TMEM59: variants seen among roughly 807,000 people sequenced by gnomAD.
The protein encoded by TMEM59 is transmembrane protein 59.
A neutral mutation model predicts 42.2 loss-of-function variants in TMEM59; 44 were observed. That is an observed-to-expected ratio of 1.04 (90% CI 0.82 to 1.34). The LOEUF (loss-of-function observed/expected upper bound fraction) is 1.34. TMEM59 is among the 40% of genes most tolerant of loss of function. The pLI is 0.00. For synonymous variants in TMEM59, 148 were observed against 145.8 expected (o/e 1.02, Z -0.11); for missense variants, 359 against 382.8 (o/e 0.94, Z 0.52).
Position 54,031,108 on chromosome 1 carries a change from A to C in TMEM59, c.*1042T>G, listed in dbSNP as rs907128484. 5 of 152,120 alleles carry C rather than the reference A, an allele frequency of 3.3e-5. No homozygotes were observed. The highest frequency in any genetic ancestry group is 6.5e-5 in the Admixed American group (1 of 15,268). 9.4% of individuals were successfully genotyped at this position (152,120 alleles called of 1,614,324 possible). A position where few individuals can be genotyped will look rare whatever the true frequency, so the allele number is the denominator to read the frequency against. On this transcript the variant is annotated 3_prime_UTR_variant, in exon 8 of 8. Coordinates refer to ENST00000234831, the MANE Select transcript of TMEM59 (RefSeq NM_004872.5). Reference sequence around the variant, plus strand: ...CTCTACTAAAAATACAAAATTATCCAGGTGTGGTGGCGCATGCCTGTAATC... The same window carrying C: ...CTCTACTAAAAATACAAAATTATCCCGGTGTGGTGGCGCATGCCTGTAATC...
intron 1 of TMEM59, among the ~76,000 whole-genome samples, chr1:54,051,985 C>T (rs1450719393): frequency 1.3e-5 from 2 of 152,182 alleles, no homozygotes; most frequent in Non-Finnish European, 2.9e-5. Context: ...TTCACTGGAA[C>T]TGTCTCCGTA....
intron 7 of TMEM59, among the ~76,000 whole-genome samples, chr1:54,032,848 C>T (rs1051317935): frequency 1.3e-5 from 2 of 150,984 alleles, no homozygotes; most frequent in Non-Finnish European, 1.5e-5. Flanking sequence ...TCATAAAACT[C>T]ATTGGAGAAT....
At chr1:54,032,363 T>TA (rs1386207315) in intron 7 of TMEM59, 58 bp from the exon 8 acceptor site, 17 of 1,392,508 alleles carry the variant, frequency 1.2e-5, no homozygotes, top group Non-Finnish European at 1.5e-5. Flanking sequence ...CTCTCCAAGT[T>TA]AGTCTTTAAA....
At chr1:54,049,176 A>G (rs1473556937) in intron 1 of TMEM59, among the ~76,000 whole-genome samples, 1 of 152,254 alleles carries the variant, frequency 6.6e-6, no homozygotes, top group East Asian at 1.9e-4. Flanking sequence ...TTTGAAGCTC[A>G]GACTTGCCAC....
rs987371784 is a variant in TMEM59 at position 54,027,378 on chromosome 1, G to C, written c.*4772C>G. 4.6e-5 allele frequency: 7 copies of C among 152,134 alleles called. No individual in the cohort carries two copies. The highest frequency in any genetic ancestry group is 1.4e-4 in the African/African-American group (6 of 41,414). 9.4% of individuals were successfully genotyped at this position (152,134 alleles called of 1,614,324 possible). On this transcript the variant is annotated 3_prime_UTR_variant, in exon 8 of 8. Coordinates refer to ENST00000234831, the MANE Select transcript of TMEM59 (RefSeq NM_004872.5). Reference sequence around the variant, plus strand: ...TTATGCTTTGAAAACATTACTATGAGAGGGGGTCCACAGGCTTCACTGGAT... The same window carrying C: ...TTATGCTTTGAAAACATTACTATGACAGGGGGTCCACAGGCTTCACTGGAT...
chr1:54,032,141 G>C lies in TMEM59; in HGVS notation c.*9C>G. 6.2e-7 allele frequency: 1 copy of C among 1,603,542 alleles called. No homozygotes were observed. The highest frequency in any genetic ancestry group is 8.5e-7 in the Non-Finnish European group (1 of 1,175,574). ...TGTCTATTACACTTGTCTTTTAAAA[G>C]AAAAATGCTTAAATTTCAGAATGAG... On this transcript the variant is annotated 3_prime_UTR_variant, in exon 8 of 8. Transcript: ENST00000234831.
At chr1:54,042,940 T>C (rs1447482370) in intron 4 of TMEM59, among the ~76,000 whole-genome samples, 4 of 152,196 alleles carry the variant, frequency 2.6e-5, no homozygotes, top group Non-Finnish European at 4.4e-5. Flanking sequence ...CTAGGCAAAA[T>C]ACTTCTTCAA....
intron 1 of TMEM59, among the ~76,000 whole-genome samples, chr1:54,050,220 G>T (rs1657482796): frequency 1.3e-5 from 2 of 151,810 alleles, no homozygotes; most frequent in Admixed American, 6.6e-5. Flanking sequence ...CCACCGCCCG[G>T]GTTCCAGCGG....
At chr1:54,045,360 A>T in intron 3 of TMEM59, 1 of 249,426 alleles carries the variant, frequency 4.0e-6, no homozygotes, top group South Asian at 1.2e-4. Flanking sequence ...GGCAATGGCA[A>T]CTGTCCAATG....
chr1:54,041,754 A>G lies in TMEM59; in HGVS notation c.595T>C (p.Leu199=). ...APHLEQEPTN[L]RESSLSKMSY... is the part of the protein sequence containing the mutation. The stretch of plus-strand genomic sequence containing the variant: ...ATTTTGCTTAGAGATGATTCTCTCA[A>G]ATTTGTAGGCTCCTGCTCCAAATGT... Residue 199 remains leucine, a synonymous_variant, in exon 5 of 8, where the codon TTG becomes CTG. Transcript: ENST00000234831. The G allele has an allele frequency of 1.2e-6, 2 of 1,613,784 alleles. No individual in the cohort carries two copies. The highest frequency in any genetic ancestry group is 1.7e-6 in the Non-Finnish European group (2 of 1,179,826).
Position 54,040,888 on chromosome 1 carries a change from GTC to G in TMEM59, c.626-53_626-52del. 2.8e-6 allele frequency: 4 copies of G among 1,428,470 alleles called. No homozygotes were observed. The South Asian group carries it at 4.6e-5, about 16-fold the overall frequency. 88.5% of individuals were successfully genotyped at this position (1,428,470 alleles called of 1,614,324 possible). ...ATTATATCCTATATTCCAAAAGCTA[GTC>G]TCACATGACTACTTCTAGATATATA... is the stretch of plus-strand genomic sequence containing the variant. On this transcript the variant is annotated intron_variant, in intron 5 of 7. Coordinates refer to ENST00000234831, the MANE Select transcript of TMEM59 (RefSeq NM_004872.5).
At chr1:54,052,924 A>C (rs1657607834) in intron 1 of TMEM59, 76 bp downstream of exon 1, 1 of 1,507,572 alleles carries the variant, frequency 6.6e-7, no homozygotes, top group South Asian at 1.3e-5. Flanking sequence ...CCAGGTTGCC[A>C]GAGCCGACAT....
intron 4 of TMEM59, among the ~76,000 whole-genome samples, 187 bp downstream of exon 4, chr1:54,043,186 T>C (rs1569954245): frequency 1.3e-5 from 2 of 152,336 alleles, no homozygotes; most frequent in South Asian, 4.1e-4. Context: ...ATTAGGCTTC[T>C]AACGGGCAAA....
chr1:54,033,821 G>C (rs1656851829), intron 7 of TMEM59: 2 of 151,690 alleles, frequency 1.3e-5, no homozygotes, highest in Admixed American at 6.6e-5. Context: ...TATCAAAAGT[G>C]ATACATGCTA....
At chr1:54,053,571 C>T (rs764027822), upstream of TMEM59, 25 of 223,488 alleles carry the variant, frequency 1.1e-4, no homozygotes, top group Non-Finnish European at 1.8e-4. Flanking sequence ...CGCATTTCTT[C>T]GCAGTGCATT....
intron 3 of TMEM59, chr1:54,044,379 T>C (rs991521466): frequency 7.5e-6 from 1 of 132,846 alleles, no homozygotes; most frequent in Non-Finnish European, 1.6e-5. Flanking sequence ...ACAAATGATA[T>C]CATCTTTCCT....
chr1:54,036,115 T>A (rs1656941357), intron 7 of TMEM59, among the ~76,000 whole-genome samples: 1 of 152,080 alleles, frequency 6.6e-6, no homozygotes, highest in East Asian at 1.9e-4. Context: ...GAAACTCCAT[T>A]TCTACTGAAT....
At chr1:54,052,811 C>G (rs1367465379) in intron 1 of TMEM59, among the ~76,000 whole-genome samples, 189 bp downstream of exon 1, 1 of 152,156 alleles carries the variant, frequency 6.6e-6, no homozygotes, top group Non-Finnish European at 1.5e-5. Context: ...TAGTGCAGGA[C>G]AAACTTCCGG....
At chr1:54,052,606 C>T (rs1657587108) in intron 1 of TMEM59, among the ~76,000 whole-genome samples, 1 of 152,164 alleles carries the variant, frequency 6.6e-6, no homozygotes, top group Non-Finnish European at 1.5e-5. Flanking sequence ...ATCAATCAAT[C>T]ATTTGTGGAC....
Sources: gnomAD v4.1 joint callset for allele counts (sites outside exome capture counted in the v4.1 genomes callset) on GRCh38, gnomAD v4.1.1 for gene constraint, MANE v1.5 for transcripts, NCBI Gene and HGNC (gene_info 2026-07-23, HGNC 2026-07-21) for gene names.